The following ROBO2 variants were observed in gnomAD, a reference collection of about 807,000 sequenced individuals.
The protein encoded by ROBO2 is roundabout homolog 2.
Under a neutral mutation model 160.8 loss-of-function variants are expected in ROBO2, and 53 were observed. The ratio of observed to expected loss-of-function variants is 0.33; its 90% CI spans 0.26 to 0.41. The LOEUF is 0.41. Ranked by LOEUF, ROBO2 falls within the 10% of genes least tolerant of loss-of-function variation. The pLI is 1.00. For synonymous variants in ROBO2, 664 were observed against 611.7 expected (o/e 1.09, Z -1.26); for missense variants, 1,577 against 1,722.4 (o/e 0.92, Z 1.49).
At chr3:75,965,796 C>G (rs1453864634) in intron 2 of ROBO2, among the ~76,000 whole-genome samples, 1 of 151,506 alleles carries the variant, frequency 6.6e-6, no homozygotes, top group African/African-American at 2.4e-5. Context: ...CAAGTTACAC[C>G]AGTTTCAATT....
rs551818385 is a variant in ROBO2 at position 76,693,453 on chromosome 3, T to C, written c.110-404561T>C. On this transcript the variant is annotated intron_variant, in intron 2 of 26. Transcript: ENST00000487694. The stretch of plus-strand genomic sequence containing the variant: ...GATACACACTCTATATATGTGTATA[T>C]ATATACACATATATATGTATTGTGT... 2.8e-5 allele frequency among the ~76,000 whole-genome samples: 4 copies of C among 140,960 alleles called. No individual in the cohort carries two copies. The East Asian group carries it at 6.6e-4, about 23-fold the overall frequency. 92.5% of individuals were successfully genotyped at this position (140,960 alleles called of 152,430 possible). A position where few individuals can be genotyped will look rare whatever the true frequency, so the allele number is the denominator to read the frequency against.
intron 2 of ROBO2, among the ~76,000 whole-genome samples, chr3:76,891,044 CT>C (rs950954884): frequency 1.3e-5 from 2 of 152,070 alleles, no homozygotes; most frequent in African/African-American, 4.8e-5. Context: ...TTGTCAAGTG[CT>C]TTTTCAGCTT....
Position 76,272,832 on chromosome 3 carries a change from T to TATATATTTTATATATAAATATATAAA in ROBO2, c.109+335236_109+335237insTTTATATATAAATATATAAAATATAT, listed in dbSNP as rs1559705683. The stretch of plus-strand genomic sequence containing the variant: ...ATATAATATGTATTTATATATAAAA[T>TATATATTTTATATATAAATATATAAA]ATATATATTATATATTATATATAAA... On this transcript the variant is annotated intron_variant, in intron 2 of 26. Coordinates refer to the ROBO2 transcript ENST00000487694. Among the ~76,000 whole-genome samples, 2 of 38,302 alleles carry TATATATTTTATATATAAATATATAAA rather than the reference T, an allele frequency of 5.2e-5. 1 individual carries two copies. The highest frequency in any genetic ancestry group is 1.0e-4 in the Non-Finnish European group (2 of 19,616). The allele number at this position is 38,302 out of a possible 152,430, so 25.1% of individuals were successfully genotyped here. A position where few individuals can be genotyped will look rare whatever the true frequency, so the allele number is the denominator to read the frequency against.
chr3:76,428,236 A>G (rs2076296999), intron 2 of ROBO2, among the ~76,000 whole-genome samples: 1 of 152,184 alleles, frequency 6.6e-6, no homozygotes, highest in Admixed American at 6.5e-5. Context: ...CACACTGAAC[A>G]TCTTTGTAAT....
At chr3:75,945,965 T>C (rs1219133303) in intron 2 of ROBO2, among the ~76,000 whole-genome samples, 1 of 152,090 alleles carries the variant, frequency 6.6e-6, no homozygotes, top group African/African-American at 2.4e-5. Flanking sequence ...GTCAAGATAC[T>C]TGAAAGTGGA....
At chr3:76,370,816 A>G (rs751024567) in intron 2 of ROBO2, among the ~76,000 whole-genome samples, 4 of 151,988 alleles carry the variant, frequency 2.6e-5, no homozygotes, top group East Asian at 1.9e-4. Flanking sequence ...AACTGCTTCA[A>G]TGCATCTTCA....
At chr3:76,999,346 C>T (rs76105196) in intron 2 of ROBO2, among the ~76,000 whole-genome samples, 3,614 of 152,038 alleles carry the variant, frequency 0.024, 140 homozygotes, top group African/African-American at 0.084. Flanking sequence ...GCGATAACCC[C>T]CTTGTAGATA....
At chr3:76,152,046 A>C (rs892048893) in intron 2 of ROBO2, among the ~76,000 whole-genome samples, 1 of 152,184 alleles carries the variant, frequency 6.6e-6, no homozygotes, top group African/African-American at 2.4e-5. Context: ...GAAACTACTA[A>C]ATTTTTCTAA....
intron 2 of ROBO2, among the ~76,000 whole-genome samples, chr3:77,322,498 G>A (rs2153432538): frequency 6.6e-6 from 1 of 151,890 alleles, no homozygotes; most frequent in Middle Eastern, 3.4e-3. Flanking sequence ...TTTTTTGGTG[G>A]CAAAATTTCT....
At chr3:77,242,624 G>A (rs2089201077) in intron 2 of ROBO2, among the ~76,000 whole-genome samples, 1 of 152,070 alleles carries the variant, frequency 6.6e-6, no homozygotes, top group Non-Finnish European at 1.5e-5. Flanking sequence ...AACAGCAAAT[G>A]TTCTTCCTTA....
At chr3:77,113,729 G>A (rs1243393435) in intron 2 of ROBO2, among the ~76,000 whole-genome samples, 2 of 152,148 alleles carry the variant, frequency 1.3e-5, no homozygotes, top group African/African-American at 2.4e-5. Context: ...CTTATTTAAG[G>A]GTCCTCACCC....
At chr3:76,783,520 T>G (rs189762997) in intron 2 of ROBO2, among the ~76,000 whole-genome samples, 2 of 150,496 alleles carry the variant, frequency 1.3e-5, no homozygotes, top group South Asian at 2.1e-4. Context: ...CTTTCTTTTT[T>G]TTTTTTTTCC....
intron 2 of ROBO2, among the ~76,000 whole-genome samples, chr3:76,616,991 C>T (rs1327179677): frequency 6.6e-6 from 1 of 152,236 alleles, no homozygotes; most frequent in Non-Finnish European, 1.5e-5. Flanking sequence ...CTTAGCTACT[C>T]AGTCTCCAGT....
intron 2 of ROBO2, among the ~76,000 whole-genome samples, chr3:76,953,642 C>T (rs1306526959): frequency 6.6e-6 from 1 of 152,108 alleles, no homozygotes; most frequent in Non-Finnish European, 1.5e-5. Flanking sequence ...ATGATCATTT[C>T]GGTCTATATT....
chr3:76,005,676 CT>C (rs1274750585), intron 2 of ROBO2, among the ~76,000 whole-genome samples: 3 of 152,070 alleles, frequency 2.0e-5, no homozygotes, highest in African/African-American at 7.2e-5. Context: ...GCTTCAGGGG[CT>C]AATAAGTGTT....
chr3:76,558,324 C>A (rs2083935344), intron 2 of ROBO2, among the ~76,000 whole-genome samples: 1 of 148,420 alleles, frequency 6.7e-6, no homozygotes, highest in Non-Finnish European at 1.5e-5. Flanking sequence ...AAGTACTATT[C>A]AGATAATTTT....
chr3:76,537,695 T>C (rs543470121), intron 2 of ROBO2, among the ~76,000 whole-genome samples: 1 of 152,196 alleles, frequency 6.6e-6, no homozygotes, highest in South Asian at 2.1e-4. Context: ...CATGTTTGTA[T>C]AGAAGACCAC....
chr3:76,111,265 G>A (rs1310446109), intron 2 of ROBO2, among the ~76,000 whole-genome samples: 1 of 151,996 alleles, frequency 6.6e-6, no homozygotes, highest in Non-Finnish European at 1.5e-5. Context: ...GATTAGAGTG[G>A]TGCAGCTGCC....
chr3:76,847,820 A>T (rs552301280), intron 2 of ROBO2, among the ~76,000 whole-genome samples: 1 of 152,142 alleles, frequency 6.6e-6, no homozygotes, highest in East Asian at 1.9e-4. Flanking sequence ...GTAATAACAA[A>T]TTTTTTTATT....
Sources: allele counts gnomAD v4.1 joint callset (sites outside exome capture counted in the v4.1 genomes callset), GRCh38; gene constraint gnomAD v4.1.1; transcripts MANE v1.5; gene names NCBI Gene and HGNC (gene_info 2026-07-23, HGNC 2026-07-21).